The following KPNA5 variants were observed in gnomAD, a reference collection of about 807,000 sequenced individuals.
The protein encoded by KPNA5 is karyopherin subunit alpha 5, also known as importin subunit alpha-6.
A neutral mutation model predicts 71.3 loss-of-function variants in KPNA5; 46 were observed. That is an observed-to-expected ratio of 0.65 (90% CI 0.51 to 0.83). The LOEUF is 0.83. Among genes scored for constraint, KPNA5 ranks in the 40% least tolerant of loss-of-function variants. KPNA5 has a pLI of 0.00. For missense variants in KPNA5, 547 were observed against 628.3 expected, an observed-to-expected ratio of 0.87 and a Z score of 1.38; for synonymous variants, 207 against 201.4, an observed-to-expected ratio of 1.03 and a Z score of -0.24.
intron 7 of KPNA5, among the ~76,000 whole-genome samples, chr6:116,709,918 G>A (rs1444398715): frequency 7.2e-5 from 11 of 151,868 alleles, no homozygotes; most frequent in Middle Eastern, 3.4e-3. Context: ...GCACTACCAC[G>A]CCCAGCTAAT....
intron 13 of KPNA5, 137 bp downstream of exon 13, chr6:116,729,878 T>C (rs1340455939): frequency 4.3e-6 from 2 of 463,720 alleles, no homozygotes; most frequent in South Asian, 7.3e-5. Flanking sequence ...CCCGTAATTT[T>C]ATTACCCTAA....
intron 4 of KPNA5, among the ~76,000 whole-genome samples, chr6:116,694,860 G>C (rs962999696): frequency 6.6e-6 from 1 of 152,056 alleles, no homozygotes; most frequent in East Asian, 1.9e-4. Context: ...GTGAAGTAGG[G>C]GGTCAAAGGG....
intron 10 of KPNA5, among the ~76,000 whole-genome samples, 200 bp from the exon 11 acceptor site, chr6:116,725,551 G>A (rs1779259777): frequency 6.6e-6 from 1 of 152,142 alleles, no homozygotes; most frequent in Non-Finnish European, 1.5e-5. Flanking sequence ...TGAGAACAGG[G>A]CAGTTCCTTA....
At chr6:116,720,519 A>G (rs1779063513) in intron 8 of KPNA5, among the ~76,000 whole-genome samples, 1 of 152,100 alleles carries the variant, frequency 6.6e-6, no homozygotes, top group Non-Finnish European at 1.5e-5. Flanking sequence ...TATGTCAGCT[A>G]TATTAATTTT....
intron 7 of KPNA5, among the ~76,000 whole-genome samples, chr6:116,709,859 G>T: frequency 6.6e-6 from 1 of 151,612 alleles, no homozygotes; most frequent in Non-Finnish European, 1.5e-5. Flanking sequence ...CTGCCTCCTG[G>T]GTTCAATTCT....
chr6:116,721,849 T>C (rs1049286884), intron 8 of KPNA5, among the ~76,000 whole-genome samples: 2 of 152,172 alleles, frequency 1.3e-5, no homozygotes, highest in African/African-American at 4.8e-5. Context: ...GTATGCTTTT[T>C]TTGTGGGGGT....
chr6:116,713,316 G>A (rs1778772188), intron 7 of KPNA5, among the ~76,000 whole-genome samples: 1 of 152,084 alleles, frequency 6.6e-6, no homozygotes, highest in Non-Finnish European at 1.5e-5. Flanking sequence ...TTCTCCTTCT[G>A]TTTGGAAGGA....
rs375786790 is a variant in KPNA5 at position 116,698,875 on chromosome 6, G to A, written c.435+77G>A. The A allele has an allele frequency of 2.8e-5, 21 of 748,116 alleles. No individual in the cohort carries two copies. In the African/African-American group the frequency reaches 3.1e-4, roughly 11 times the overall value. The allele number at this position is 748,116 out of a possible 1,614,324, so 46.3% of individuals were successfully genotyped here. A position where few individuals can be genotyped will look rare whatever the true frequency, so the allele number is the denominator to read the frequency against. The stretch of plus-strand genomic sequence containing the variant: ...GTTTCTAGTGAAAGCAACTTCTGCA[G>A]TATTGACTATTGTAAGCATTAAGTG... On this transcript the variant is annotated intron_variant, in intron 5 of 13. Transcript: ENST00000368564.
intron 4 of KPNA5, among the ~76,000 whole-genome samples, chr6:116,693,872 C>T (rs2114384670): frequency 6.6e-6 from 1 of 151,950 alleles, no homozygotes; most frequent in South Asian, 2.1e-4. Context: ...GGTTTTAGGT[C>T]TAACATGTAA....
rs1779875443 is a variant in KPNA5 at position 116,741,648 on chromosome 6, A to AT, written c.*9326dup. 2 of 153,412 alleles carry AT rather than the reference A, an allele frequency of 1.3e-5. No homozygotes were observed. The highest frequency in any genetic ancestry group is 4.8e-5 in the African/African-American group (2 of 41,432). The allele number at this position is 153,412 out of a possible 1,614,324, so 9.5% of individuals were successfully genotyped here. ...ACCAATGCACCAGAGAATGCCTACCATCCAAAAAAGCAGTCAGCTGATGGA... is the reference window on the plus strand; with the variant it reads ...ACCAATGCACCAGAGAATGCCTACCATTCCAAAAAAGCAGTCAGCTGATGGA... On this transcript the variant is annotated 3_prime_UTR_variant, in exon 14 of 14. Coordinates refer to ENST00000368564, the MANE Select transcript of KPNA5 (RefSeq NM_001366306.2).
In KPNA5 at chr6:116,725,837, T is replaced by C; in HGVS notation, c.1086T>C (p.Thr362=). 1 of 1,613,448 alleles carries C rather than the reference T, an allele frequency of 6.2e-7. No homozygotes were observed. The highest frequency in any genetic ancestry group is 8.5e-7 in the Non-Finnish European group (1 of 1,179,600). ...CAATTAGAAAAGAAGCCTGCTGGAC[T>C]GTTTCTAACATCACTGCTGGAAATA... The part of the protein sequence containing the change: ...KESIRKEACW[T]VSNITAGNRA... The change falls in exon 11 of 14, where the codon ACT becomes ACC. Residue 362 remains threonine, a synonymous_variant. Coordinates refer to ENST00000368564, the MANE Select transcript of KPNA5 (RefSeq NM_001366306.2).
chr6:116,710,893 A>ATTT (rs67301038), intron 7 of KPNA5, among the ~76,000 whole-genome samples: 4 of 86,734 alleles, frequency 4.6e-5, no homozygotes, highest in African/African-American at 1.8e-4. Flanking sequence ...ATATATATAT[A>ATTT]TTTTTTTTTT....
chr6:116,711,512 T>A (rs1185571607), intron 7 of KPNA5, among the ~76,000 whole-genome samples: 1 of 150,492 alleles, frequency 6.6e-6, no homozygotes. Context: ...TTTTTTTTTT[T>A]ATTTATCTCA....
At chr6:116,726,437 T>C in intron 11 of KPNA5, 58 bp from the exon 12 acceptor site, 1 of 1,392,514 alleles carries the variant, frequency 7.2e-7, no homozygotes, top group South Asian at 1.6e-5. Context: ...AGATTTTTTT[T>C]ACTGGTAATA....
intron 7 of KPNA5, among the ~76,000 whole-genome samples, chr6:116,711,536 A>ATGTGTGTGTGTG (rs1491586756): frequency 1.6e-4 from 17 of 105,974 alleles, no homozygotes; most frequent in African/African-American, 7.9e-4. Flanking sequence ...TATTTTCTGC[A>ATGTGTGTGTGTG]TATGTGTGTG....
At chr6:116,705,676 A>G (rs955288927) in intron 7 of KPNA5, among the ~76,000 whole-genome samples, 3 of 152,178 alleles carry the variant, frequency 2.0e-5, no homozygotes, top group Non-Finnish European at 4.4e-5. Flanking sequence ...TAGAAATGAC[A>G]TAAAATTTTT....
At chr6:116,726,318 T>C (rs1270807355) in intron 11 of KPNA5, among the ~76,000 whole-genome samples, 177 bp from the exon 12 acceptor site, 1 of 152,010 alleles carries the variant, frequency 6.6e-6, no homozygotes, top group Non-Finnish European at 1.5e-5. Flanking sequence ...GCTAATTTCC[T>C]ATGTAAAAAG....
chr6:116,738,793 T>C lies in KPNA5; in HGVS notation c.*6470T>C, dbSNP rs1779762704. The C allele has an allele frequency of 6.6e-6, 1 of 152,130 alleles. No homozygotes were observed. Among genetic ancestry groups the C allele is most frequent in the African/African-American group, 2.4e-5 (1 of 41,416 alleles). 9.4% of individuals were successfully genotyped at this position (152,130 alleles called of 1,614,324 possible). A position where few individuals can be genotyped will look rare whatever the true frequency, so the allele number is the denominator to read the frequency against. On this transcript the variant is annotated 3_prime_UTR_variant, in exon 14 of 14. Transcript: ENST00000368564. ...AATGCAGAAAAGGCCTTCGACAAAA[T>C]TCAACAACGCTTCATGCTAAAAAAC...
intron 2 of KPNA5, among the ~76,000 whole-genome samples, chr6:116,690,173 A>G (rs1251729386): frequency 1.3e-5 from 2 of 151,864 alleles, no homozygotes; most frequent in Non-Finnish European, 2.9e-5. Context: ...CGCCTCAAGC[A>G]ATATTCCTGC....
Sources: allele counts gnomAD v4.1 joint callset (sites outside exome capture counted in the v4.1 genomes callset), GRCh38; gene constraint gnomAD v4.1.1; transcripts MANE v1.5; gene names NCBI Gene and HGNC (gene_info 2026-07-23, HGNC 2026-07-21).